SYNE2: variants seen among roughly 807,000 people sequenced by gnomAD.
The protein encoded by SYNE2 is spectrin repeat containing nuclear envelope protein 2, also known as nesprin-2.
A neutral mutation model predicts 856.3 loss-of-function variants in SYNE2; 431 were observed. The observed-to-expected ratio is 0.50, with a 90% confidence interval of 0.47 to 0.55. The LOEUF (loss-of-function observed/expected upper bound fraction) is 0.55, where lower values mean the gene tolerates loss of function less well. SYNE2 is among the 20% of genes least tolerant of loss of function. The pLI is 0.00. For synonymous variants in SYNE2, 2,923 were observed against 2,872.3 expected, an observed-to-expected ratio of 1.02 and a Z score of -0.56; for missense variants, 8,129 against 8,023.2, an observed-to-expected ratio of 1.01 and a Z score of -0.50.
chr14:64,119,359 A>G, intron 66 of SYNE2, 68 bp from the exon 67 acceptor site: 1 of 1,591,644 alleles, frequency 6.3e-7, no homozygotes, highest in Non-Finnish European at 8.6e-7. Flanking sequence ...GTAAGTCTTA[A>G]CTTGTTTGCA....
intron 1 of SYNE2, among the ~76,000 whole-genome samples, chr14:63,881,816 A>G (rs1450055651): frequency 1.3e-5 from 2 of 152,182 alleles, no homozygotes; most frequent in Non-Finnish European, 2.9e-5. Context: ...AAACCGTTAG[A>G]ACAATGGCAC....
chr14:64,220,447 A>C lies in SYNE2; in HGVS notation c.19871A>C (p.Lys6624Thr). 6.2e-7 allele frequency: 1 copy of C among 1,614,214 alleles called. No homozygotes were observed. ...LRVKRLQEIL[K>T]AFDTYKALVV... is the part of the protein sequence containing the mutation. ...TTCTCTCTCTGGTAGGAGATACTGA[A>C]AGCCTTTGACACTTACAAGGCATTA... Residue 6624 changes from lysine to threonine, a missense_variant, in exon 111 of 116, where the codon AAA becomes ACA. Lys to Thr is a moderately conservative substitution (Grantham distance 78). Around this residue, in one of 3 missense-constraint regions of SYNE2, gnomAD observed 5,410 missense variants for 5,284.8 expected, o/e 1.02. Coordinates refer to ENST00000555002, the MANE Select transcript of SYNE2 (RefSeq NM_182914.3).
intron 64 of SYNE2, among the ~76,000 whole-genome samples, chr14:64,103,909 A>G (rs1175591768): frequency 6.6e-6 from 1 of 152,176 alleles, no homozygotes; most frequent in Non-Finnish European, 1.5e-5. Context: ...ACATCCTGCA[A>G]AGGAAATTGC....
At position 64,097,600 on chromosome 14, in the gene SYNE2, T is replaced by A. The variant is rs373974549; in HGVS notation, c.12109-349T>A. Among the ~76,000 whole-genome samples the A allele has an allele frequency of 7.9e-5, 12 of 152,374 alleles. No homozygotes were observed. The South Asian group carries it at 2.1e-3, about 26-fold the overall frequency. On this transcript the variant is annotated intron_variant, in intron 61 of 115. Transcript: ENST00000555002. ...CCCTGCCCCGTGGATCCTGGTTCTC[T>A]CAGTCCTGTAGCTGGCCACTAGAGC...
In SYNE2 at chr14:64,129,988, T is replaced by C. The variant is rs532639547; in HGVS notation, c.14140-60T>C. The C allele has an allele frequency of 1.5e-4, 250 of 1,613,420 alleles. 5 individuals carry two copies. In the South Asian group the frequency reaches 2.6e-3, roughly 17 times the overall value. ...TCCACCAGCAGAGTTTAGATTTGTC[T>C]TTCAGTTATTGCCCCGGTTGGATGA... On this transcript the variant is annotated intron_variant, in intron 75 of 115. Transcript: ENST00000555002.
intron 85 of SYNE2, among the ~76,000 whole-genome samples, chr14:64,155,098 T>A (rs1049099995): frequency 2.0e-5 from 3 of 152,212 alleles, no homozygotes; most frequent in Non-Finnish European, 4.4e-5. Flanking sequence ...ACCATGCAAC[T>A]TAGCAGTTCT....
At chr14:63,829,871 A>G (rs182050599) in intron 1 of SYNE2, among the ~76,000 whole-genome samples, 1 of 152,208 alleles carries the variant, frequency 6.6e-6, no homozygotes, top group East Asian at 1.9e-4. Context: ...CTCCCACCTC[A>G]GCCTCCCAAA....
Position 64,141,885 on chromosome 14 carries a change from C to T in SYNE2, c.15160-57C>T. ...AAACCAGATATCATCTTTAGTGATG[C>T]TCTGATTCATTTTGTTAACTGCAGG... is the stretch of plus-strand genomic sequence containing the variant. On this transcript the variant is annotated intron_variant, in intron 81 of 115. Transcript: ENST00000555002. 1.9e-6 allele frequency: 3 copies of T among 1,590,188 alleles called. No homozygotes were observed. In the South Asian group the frequency reaches 3.4e-5, roughly 18 times the overall value.
chr14:64,107,146 C>T (rs1361573315), intron 64 of SYNE2, among the ~76,000 whole-genome samples: 1 of 152,190 alleles, frequency 6.6e-6, no homozygotes, highest in Non-Finnish European at 1.5e-5. Context: ...TGAGACATCA[C>T]ACCTGGCCAT....
At chr14:63,827,025 C>A (rs190906498) in intron 1 of SYNE2, among the ~76,000 whole-genome samples, 125 of 152,228 alleles carry the variant, frequency 8.2e-4, no homozygotes, top group African/African-American at 2.9e-3. Flanking sequence ...CGGCTGTAAT[C>A]CCAGCACTTT....
Position 64,162,221 on chromosome 14 carries a change from G to T in SYNE2, c.16244G>T (p.Ser5415Ile), listed in dbSNP as rs377399289. ...AAGTTTCAACAGCTCGCAAACATCA[G>T]CATGTCTGGAAACAACCTGGCAGAG... ...EAKFQQLANI[S>I]MSGNNLAEIL... The change falls in exon 88 of 116, where the codon AGC becomes ATC. Residue 5415 changes from serine (S) to isoleucine (I), a missense_variant. Coordinates refer to ENST00000555002, the MANE Select transcript of SYNE2 (RefSeq NM_182914.3). The T allele has an allele frequency of 6.2e-5, 100 of 1,614,092 alleles. No individual in the cohort carries two copies. The highest frequency in any genetic ancestry group is 8.1e-5 in the Non-Finnish European group (96 of 1,180,044).
chr14:64,025,534 T>C, intron 41 of SYNE2, 113 bp downstream of exon 41: 2 of 1,073,680 alleles, frequency 1.9e-6, no homozygotes, highest in Non-Finnish European at 2.7e-6. Flanking sequence ...CACTGTGGAA[T>C]GGTTGAAGAA....
intron 88 of SYNE2, chr14:64,162,679 G>T: frequency 6.7e-6 from 2 of 299,026 alleles, no homozygotes; most frequent in South Asian, 3.3e-5. Flanking sequence ...CTTTTCTGTG[G>T]GTATAGTAAA....
intron 45 of SYNE2, chr14:64,034,597 T>G: frequency 3.7e-6 from 2 of 543,280 alleles, no homozygotes; most frequent in Non-Finnish European, 6.7e-6. Flanking sequence ...ATGCAGGTGA[T>G]TTTGTAGATC....
At chr14:64,140,787 C>A (rs1276938649) in intron 80 of SYNE2, among the ~76,000 whole-genome samples, 1 of 151,958 alleles carries the variant, frequency 6.6e-6, no homozygotes, top group Non-Finnish European at 1.5e-5. Context: ...TCAAAAATAT[C>A]CCCCAAATTT....
intron 1 of SYNE2, among the ~76,000 whole-genome samples, chr14:63,863,638 A>T (rs1447761137): frequency 6.6e-6 from 1 of 152,272 alleles, no homozygotes; most frequent in East Asian, 1.9e-4. Flanking sequence ...AGCTGTTACT[A>T]TAGTATAATG....
intron 54 of SYNE2, among the ~76,000 whole-genome samples, chr14:64,077,039 G>A (rs1279975147): frequency 6.6e-6 from 1 of 152,042 alleles, no homozygotes; most frequent in Non-Finnish European, 1.5e-5. Flanking sequence ...TTATGCTCAT[G>A]AATACTTATG....
In SYNE2 at chr14:63,941,969, A is replaced by C; in HGVS notation, c.315+7A>C. The stretch of plus-strand genomic sequence containing the variant: ...ATTCCTAAGAAACCGATCAGTAAGT[A>C]TAAATTTTTCTTAAAAATTCACAGG... On this transcript the variant is annotated splice_region_variant and intron_variant, in intron 5 of 115. Coordinates refer to ENST00000555002, the MANE Select transcript of SYNE2 (RefSeq NM_182914.3). 1 of 1,611,314 alleles carries C rather than the reference A, an allele frequency of 6.2e-7. No homozygotes were observed. Among genetic ancestry groups the C allele is most frequent in the Non-Finnish European group, 8.5e-7 (1 of 1,178,486 alleles).
At chr14:64,169,960 C>A (rs2098402690) in intron 93 of SYNE2, among the ~76,000 whole-genome samples, 1 of 152,184 alleles carries the variant, frequency 6.6e-6, no homozygotes. Flanking sequence ...TATATTAAAA[C>A]AGCTTCAGTT....
Sources: gnomAD v4.1 joint callset for allele counts (sites outside exome capture counted in the v4.1 genomes callset) on GRCh38, gnomAD v4.1.1 for gene constraint, gnomAD v4.1.1 regional missense constraint, MANE v1.5 for transcripts, NCBI Gene and HGNC (gene_info 2026-07-23, HGNC 2026-07-21) for gene names.